RTKN: variants seen among roughly 807,000 people sequenced by gnomAD.
RTKN encodes rhotekin.
A neutral mutation model predicts 63.5 loss-of-function variants in RTKN; 49 were observed. The observed-to-expected ratio is 0.77, with a 90% confidence interval of 0.61 to 0.98. The LOEUF (loss-of-function observed/expected upper bound fraction) is 0.98, where lower values mean the gene tolerates loss of function less well. Among genes scored for constraint, RTKN ranks in the 50% least tolerant of loss-of-function variants. The probability of loss-of-function intolerance (pLI) is 0.00; values close to 1 mark genes in which losing one functional copy is unlikely to be tolerated. For missense variants in RTKN, 685 were observed against 740.8 expected, an observed-to-expected ratio of 0.92 and a Z score of 0.87; for synonymous variants, 295 against 290.4, an observed-to-expected ratio of 1.02 and a Z score of -0.16.
At chr2:74,430,595 T>C (rs1670691448) in intron 3 of RTKN, 21 bp downstream of exon 3, 1 of 1,614,100 alleles carries the variant, frequency 6.2e-7, no homozygotes, top group East Asian at 2.2e-5. Context: ...TACCAGCAGC[T>C]GGGGTAGCTG....
At chr2:74,437,092 TC>T (rs1402353137) in intron 1 of RTKN, among the ~76,000 whole-genome samples, 1 of 152,114 alleles carries the variant, frequency 6.6e-6, no homozygotes, top group Non-Finnish European at 1.5e-5. Flanking sequence ...TACCCTTTTT[TC>T]CCTTCAGAAT....
chr2:74,441,849 C>A lies in RTKN; in HGVS notation c.-33G>T. On this transcript the variant is annotated 5_prime_UTR_variant, in exon 1 of 12. Transcript: ENST00000272430. ...GCCCTGCGACTTTGCCTGCTCAGTG[C>A]GCTCCCCGCGCCGCCCGGCTTAGCC... 3 of 1,386,070 alleles carry A rather than the reference C, an allele frequency of 2.2e-6. No individual in the cohort carries two copies. The highest frequency in any genetic ancestry group is 4.7e-5 in the East Asian group (2 of 42,806). 85.9% of individuals were successfully genotyped at this position (1,386,070 alleles called of 1,614,324 possible).
At position 74,428,691 on chromosome 2, in the gene RTKN, A is replaced by G. The variant is rs372986899; in HGVS notation, c.897T>C (p.Arg299=). 1.1e-5 allele frequency: 18 copies of G among 1,614,028 alleles called. No individual in the cohort carries two copies. The highest frequency in any genetic ancestry group is 1.4e-5 in the Non-Finnish European group (17 of 1,179,976). ...TCATGCAGAGAGGCTGAGCTGCCAGACGGCAACACACGCTACCATAAAGGG... is the reference window on the plus strand; with the variant it reads ...TCATGCAGAGAGGCTGAGCTGCCAGGCGGCAACACACGCTACCATAAAGGG... ...WLPLYGSVCC[R]LAAQPLCMTQ... is the part of the protein sequence containing the mutation. Residue 299 remains arginine, a synonymous_variant, in exon 8 of 12, where the codon CGT becomes CGC. Transcript: ENST00000272430.
At position 74,432,450 on chromosome 2, in the gene RTKN, G is replaced by C. The variant is rs765027119; in HGVS notation, c.311+17C>G. 56 of 1,604,354 alleles carry C rather than the reference G, an allele frequency of 3.5e-5. No homozygotes were observed. In the Admixed American group the frequency reaches 9.3e-4, roughly 27 times the overall value. ...GGCCTCCTGCCTCCATCGAGGCCTCGTCTCCCCCTTGCTCACCGCCGGCTT... is the reference window on the plus strand; with the variant it reads ...GGCCTCCTGCCTCCATCGAGGCCTCCTCTCCCCCTTGCTCACCGCCGGCTT... On this transcript the variant is annotated intron_variant, in intron 2 of 11. Coordinates refer to ENST00000272430, the MANE Select transcript of RTKN (RefSeq NM_001015055.2).
chr2:74,430,686 A>G lies in RTKN; in HGVS notation c.312-9T>C, dbSNP rs761165142. 17 of 1,610,864 alleles carry G rather than the reference A, an allele frequency of 1.1e-5. No individual in the cohort carries two copies. The highest frequency in any genetic ancestry group is 1.7e-5 in the Admixed American group (1 of 59,992). On this transcript the variant is annotated splice_polypyrimidine_tract_variant and intron_variant, in intron 2 of 11. Transcript: ENST00000272430. Reference sequence around the variant, plus strand: ...GGCCACTGTCAGAAGGCCTGTGGATAAATCACAATGTCCTGGCCTGGCCTC... The same window carrying G: ...GGCCACTGTCAGAAGGCCTGTGGATGAATCACAATGTCCTGGCCTGGCCTC...
At position 74,429,821 on chromosome 2, in the gene RTKN, G is replaced by C. The variant is rs762053320; in HGVS notation, c.755+7C>G. Reference sequence around the variant, plus strand: ...GCTGAGGGTGGTGTCGGTGTGCAAGGCCTTACCCAACAACTGGGGTGGGGA... The same window carrying C: ...GCTGAGGGTGGTGTCGGTGTGCAAGCCCTTACCCAACAACTGGGGTGGGGA... On this transcript the variant is annotated splice_region_variant and intron_variant, in intron 6 of 11. Coordinates refer to ENST00000272430, the MANE Select transcript of RTKN (RefSeq NM_001015055.2). 1 of 1,612,208 alleles carries C rather than the reference G, an allele frequency of 6.2e-7. No individual in the cohort carries two copies. The highest frequency in any genetic ancestry group is 1.3e-5 in the African/African-American group (1 of 75,016).
chr2:74,440,599 T>TCCCAGGGGCGGC, intron 1 of RTKN: 1 of 982,242 alleles, frequency 1.0e-6, no homozygotes, highest in South Asian at 4.7e-5. Context: ...GCCGGGCTAA[T>TCCCAGGGGCGGC]CCCAGGGGCG....
rs1184166632 is a variant in RTKN, at chr2:74,430,355, C to G, written c.442G>C (p.Ala148Pro). The stretch of plus-strand genomic sequence containing the variant: ...CCCAGCTGCAGCAGCAGGAACACAG[C>G]CCAGCGGTGCAAGTCTGGGGACAAA... ...FKNKGDLHRW[A>P]VFLLLQLGEH... is the part of the protein sequence containing the mutation. Residue 148 changes from alanine (A) to proline (P), a missense_variant, in exon 5 of 12, where the codon GCT (alanine) becomes CCT (proline). Transcript: ENST00000272430. The G allele has an allele frequency of 1.9e-6, 3 of 1,614,198 alleles. No homozygotes were observed. The highest frequency in any genetic ancestry group is 2.5e-6 in the Non-Finnish European group (3 of 1,180,026).
chr2:74,427,444 C>T lies in RTKN; in HGVS notation c.1235G>A (p.Trp412Ter). The T allele has an allele frequency of 6.2e-7, 1 of 1,614,146 alleles. No individual in the cohort carries two copies. The change falls in exon 10 of 12, where the codon TGG becomes TAG. Residue 412 changes from tryptophan (W) to a stop codon, truncating the protein, a stop_gained. Coordinates refer to ENST00000272430, the MANE Select transcript of RTKN (RefSeq NM_001015055.2). LOFTEE classifies it high-confidence loss of function. Reference sequence around the variant, plus strand: ...CTTACTCATGTCAAAGAAAAGCTGCCACAGAGCCTCCATCCAGCTCTGCAG... The same window carrying T: ...CTTACTCATGTCAAAGAAAAGCTGCTACAGAGCCTCCATCCAGCTCTGCAG... ...EALQSWMEAL[W>*]QLFFDMSQWK...
At chr2:74,426,818 G>T in intron 11 of RTKN, 1 of 1,356,138 alleles carries the variant, frequency 7.4e-7, no homozygotes, top group South Asian at 2.1e-5. Flanking sequence ...GGGGAGCAGA[G>T]GTGGGTGAAG....
chr2:74,437,561 A>G (rs1671127965), intron 1 of RTKN, among the ~76,000 whole-genome samples: 1 of 152,222 alleles, frequency 6.6e-6, no homozygotes, highest in Non-Finnish European at 1.5e-5. Context: ...AAACATTTAC[A>G]TACCTAGACC....
intron 2 of RTKN, 54 bp downstream of exon 2, chr2:74,432,413 C>G: frequency 2.0e-6 from 3 of 1,535,970 alleles, no homozygotes; most frequent in Non-Finnish European, 2.7e-6. Context: ...GCTGCACCAC[C>G]ACCACCCAGA....
chr2:74,432,746 C>A, intron 1 of RTKN, 80 bp from the exon 2 acceptor site: 1 of 1,271,140 alleles, frequency 7.9e-7, no homozygotes, highest in South Asian at 1.3e-5. Context: ...CCCAGGTGGG[C>A]TGTGGCCAGT....
intron 8 of RTKN, 30 bp downstream of exon 8, chr2:74,428,601 G>C (rs1194283401): frequency 6.3e-7 from 1 of 1,584,450 alleles, no homozygotes; most frequent in Non-Finnish European, 8.6e-7. Flanking sequence ...CCTTCTCCCT[G>C]CTCCCTTCCA....
intron 1 of RTKN, 77 bp downstream of exon 1, chr2:74,441,629 C>A: frequency 2.9e-6 from 3 of 1,039,412 alleles, no homozygotes; most frequent in Admixed American, 2.1e-5. Context: ...TGCACGCGGG[C>A]GAGGGAAGGA....
chr2:74,430,089 G>C (rs766087717), intron 5 of RTKN, 52 bp from the exon 6 acceptor site: 1 of 1,600,160 alleles, frequency 6.2e-7, no homozygotes, highest in South Asian at 1.1e-5. Flanking sequence ...GGGAGGCAGA[G>C]GGTAGGGGAT....
In RTKN at chr2:74,429,972, C is replaced by T; in HGVS notation, c.611G>A (p.Gly204Glu). 3.7e-6 allele frequency: 6 copies of T among 1,614,256 alleles called. No individual in the cohort carries two copies. The highest frequency in any genetic ancestry group is 5.1e-6 in the Non-Finnish European group (6 of 1,180,042). The change falls in exon 6 of 12, where the codon GGG becomes GAG. Residue 204 changes from glycine (G) to glutamate (E), a missense_variant. Transcript: ENST00000272430. The stretch of plus-strand genomic sequence containing the variant: ...CCTCTTGGGGCCGCCAGTCAGGGCC[C>T]CCTCTTCTTCCACACAGGCCCCATA... Reference protein sequence around the residue: ...ELYGACVEEEGALTGGPKRLA... With the variant: ...ELYGACVEEEEALTGGPKRLA...
chr2:74,435,057 C>A (rs1036641918), intron 1 of RTKN, among the ~76,000 whole-genome samples: 27 of 152,208 alleles, frequency 1.8e-4, no homozygotes, highest in Middle Eastern at 3.4e-3. Context: ...AACCTATACA[C>A]CCCAAATTAA....
chr2:74,433,969 A>G (rs1670911271), intron 1 of RTKN, among the ~76,000 whole-genome samples: 1 of 152,194 alleles, frequency 6.6e-6, no homozygotes, highest in South Asian at 2.1e-4. Context: ...GAAGGGTAGT[A>G]TTGCACATAC....
Sources: allele counts gnomAD v4.1 joint callset (sites outside exome capture counted in the v4.1 genomes callset), GRCh38; gene constraint gnomAD v4.1.1; transcripts MANE v1.5; gene names NCBI Gene and HGNC (gene_info 2026-07-23, HGNC 2026-07-21).